NTRK3: variants seen among roughly 807,000 people sequenced by gnomAD.
The protein encoded by NTRK3 is neurotrophic receptor tyrosine kinase 3.
In NTRK3, 24 loss-of-function variants were observed where a neutral mutation model predicts 91.7. The observed-to-expected ratio is 0.26, with a 90% CI of 0.19 to 0.37. The LOEUF is 0.37. Ranked by LOEUF, NTRK3 falls within the 10% of genes least tolerant of loss-of-function variation. The probability of loss-of-function intolerance (pLI) is 1.00; values close to 1 mark genes in which losing one functional copy is unlikely to be tolerated. For synonymous variants in NTRK3, 483 were observed against 404.0 expected, an observed-to-expected ratio of 1.20 and a Z score of -2.34; for missense variants, 880 against 1,068.9, an observed-to-expected ratio of 0.82 and a Z score of 2.46.
chr15:88,039,692 A>G (rs1227473074), intron 13 of NTRK3, among the ~76,000 whole-genome samples: 1 of 152,228 alleles, frequency 6.6e-6, no homozygotes, highest in Non-Finnish European at 1.5e-5. Flanking sequence ...ACATAAATTT[A>G]ATTTCCTCAG....
intron 17 of NTRK3, among the ~76,000 whole-genome samples, chr15:87,891,307 T>A (rs1423948149): frequency 6.6e-6 from 1 of 152,220 alleles, no homozygotes. Flanking sequence ...AAGCCACCAG[T>A]GTAATACACA....
intron 5 of NTRK3, among the ~76,000 whole-genome samples, chr15:88,182,472 G>A (rs2046566676): frequency 6.6e-6 from 1 of 152,112 alleles, no homozygotes; most frequent in Admixed American, 6.5e-5. Context: ...CTCAGTCAGT[G>A]AAACTTTTAA....
intron 3 of NTRK3, among the ~76,000 whole-genome samples, chr15:88,232,393 T>C (rs913694542): frequency 3.3e-5 from 5 of 152,162 alleles, no homozygotes; most frequent in Non-Finnish European, 7.3e-5. Context: ...CCCTCTGCAA[T>C]ATCTGGCTAT....
chr15:87,996,354 G>T (rs981502285), intron 14 of NTRK3, among the ~76,000 whole-genome samples: 1 of 152,140 alleles, frequency 6.6e-6, no homozygotes, highest in Non-Finnish European at 1.5e-5. Context: ...TGGGTTAAAC[G>T]GTGACAGTAC....
chr15:88,127,229 GA>G lies in NTRK3; in HGVS notation c.1229-4del. 6.2e-7 allele frequency: 1 copy of G among 1,613,794 alleles called. No homozygotes were observed. ...AGGTGTGGGACTCACTTCGTCAACT[GA>G]AAACCAAACACAAAAAGGAGGAGGA... is the stretch of plus-strand genomic sequence containing the variant. On this transcript the variant is annotated splice_region_variant and splice_polypyrimidine_tract_variant and intron_variant, in intron 11 of 18. Transcript: ENST00000394480.
chr15:87,878,282 G>C (rs916303166), intron 18 of NTRK3, among the ~76,000 whole-genome samples: 1 of 152,072 alleles, frequency 6.6e-6, no homozygotes, highest in East Asian at 1.9e-4. Flanking sequence ...TTAGGTAAAA[G>C]CACTGTCTTT....
intron 14 of NTRK3, among the ~76,000 whole-genome samples, chr15:87,994,081 G>A (rs1246107249): frequency 6.6e-6 from 1 of 152,152 alleles, no homozygotes; most frequent in Admixed American, 6.5e-5. Context: ...ACCCACAGCT[G>A]AGGGATTGTA....
At chr15:87,933,123 G>C (rs2141956418) in exon 16 of NTRK3, 1 of 1,614,124 alleles carries the variant, frequency 6.2e-7, no homozygotes, top group South Asian at 1.1e-5. Context: ...CTGCAGGTTG[G>C]TGAGCAGCTC....
chr15:88,209,572 A>T (rs983829753), intron 3 of NTRK3, among the ~76,000 whole-genome samples: 2 of 152,272 alleles, frequency 1.3e-5, no homozygotes, highest in African/African-American at 2.4e-5. Context: ...GATAAGCAAC[A>T]GCAGAAAGAC....
intron 17 of NTRK3, among the ~76,000 whole-genome samples, chr15:87,897,130 C>G (rs933967817): frequency 6.6e-6 from 1 of 152,080 alleles, no homozygotes; most frequent in Non-Finnish European, 1.5e-5. Flanking sequence ...TCCAAAAATA[C>G]AAGGAGTTGA....
intron 14 of NTRK3, among the ~76,000 whole-genome samples, chr15:87,945,931 T>G (rs2070449002): frequency 6.6e-6 from 1 of 152,164 alleles, no homozygotes; most frequent in Non-Finnish European, 1.5e-5. Context: ...GGATGTTGAC[T>G]TGGCAGAACT....
intron 13 of NTRK3, among the ~76,000 whole-genome samples, chr15:88,121,823 C>A (rs1340191130): frequency 6.6e-6 from 1 of 152,210 alleles, no homozygotes; most frequent in African/African-American, 2.4e-5. Context: ...AAGCATTAGA[C>A]TTCATCAATA....
At chr15:88,190,140 T>C (rs2047273867) in intron 3 of NTRK3, among the ~76,000 whole-genome samples, 1 of 152,136 alleles carries the variant, frequency 6.6e-6, no homozygotes, top group Non-Finnish European at 1.5e-5. Context: ...AGGCCCAGTA[T>C]TGCCTCATTT....
Position 88,013,060 on chromosome 15 carries a change from GGT to G in NTRK3, c.1585+19795_1585+19796del, listed in dbSNP as rs1272390826. 2.8e-5 allele frequency among the ~76,000 whole-genome samples: 4 copies of G among 143,952 alleles called. 1 individual carries two copies. Among genetic ancestry groups the G allele is most frequent in the African/African-American group, 5.2e-5 (2 of 38,672 alleles). 94.4% of individuals were successfully genotyped at this position (143,952 alleles called of 152,430 possible). ...CTACCAGCAGCTGAAACCGTGCACT[GGT>G]AAAGACCCACTACCAGCAGCTGAAA... On this transcript the variant is annotated intron_variant, in intron 14 of 18. Transcript: ENST00000394480.
chr15:88,224,766 C>T (rs1026709640), intron 3 of NTRK3, among the ~76,000 whole-genome samples: 1 of 152,188 alleles, frequency 6.6e-6, no homozygotes, highest in African/African-American at 2.4e-5. Context: ...TAAGGCACAG[C>T]CTGCTGCTGA....
At chr15:88,065,791 G>A (rs1403752604) in intron 13 of NTRK3, among the ~76,000 whole-genome samples, 4 of 152,170 alleles carry the variant, frequency 2.6e-5, no homozygotes, top group African/African-American at 9.7e-5. Context: ...CTGTTGAACT[G>A]GCTGATCTGA....
At position 87,940,527 on chromosome 15, in the gene NTRK3, TG is replaced by T. The variant is rs2069728862; in HGVS notation, c.1716+95del. 3.8e-6 allele frequency: 6 copies of T among 1,581,140 alleles called. No individual in the cohort carries two copies. The East Asian group carries it at 8.9e-5, about 24-fold the overall frequency. On this transcript the variant is annotated intron_variant, in intron 15 of 18. Transcript: ENST00000394480. ...TTTGATTGCATCTGAGAAAGCCAATTGAGCACTATCTTCTCAAATGGAGGGA... is the reference window on the plus strand; with the variant it reads ...TTTGATTGCATCTGAGAAAGCCAATTAGCACTATCTTCTCAAATGGAGGGA...
exon 19 of NTRK3, chr15:87,868,607 G>A (rs1318834730): frequency 9.1e-6 from 2 of 220,394 alleles, no homozygotes; most frequent in African/African-American, 2.2e-5. Context: ...GGAGTCTGAA[G>A]GTGACTGAAT....
chr15:88,244,505 G>T (rs2052648315), intron 3 of NTRK3, among the ~76,000 whole-genome samples: 1 of 150,606 alleles, frequency 6.6e-6, no homozygotes, highest in East Asian at 1.9e-4. Flanking sequence ...CAGTCTCAGT[G>T]CTATGGGCTC....
Sources: gnomAD v4.1 joint callset for allele counts (sites outside exome capture counted in the v4.1 genomes callset) on GRCh38, gnomAD v4.1.1 for gene constraint, MANE v1.5 for transcripts, NCBI Gene and HGNC (gene_info 2026-07-23, HGNC 2026-07-21) for gene names.